SHANK2: variants seen among roughly 807,000 people sequenced by gnomAD.
SHANK2 encodes the protein SH3 and multiple ankyrin repeat domains 2.
Under a neutral mutation model 133.7 loss-of-function variants are expected in SHANK2, and 43 were observed. The ratio of observed to expected loss-of-function variants is 0.32; its 90% confidence interval spans 0.25 to 0.41. The LOEUF (loss-of-function observed/expected upper bound fraction) is 0.41. Ranked by LOEUF, SHANK2 falls within the 10% of genes least tolerant of loss-of-function variation. SHANK2 has a pLI of 1.00. For synonymous variants in SHANK2, 1,017 were observed against 952.8 expected (o/e 1.07, Z -1.24); for missense variants, 1,994 against 2,235.8 (o/e 0.89, Z 2.18).
At chr11:71,149,175 G>C (rs1240661996) in intron 2 of SHANK2, among the ~76,000 whole-genome samples, 1 of 152,192 alleles carries the variant, frequency 6.6e-6, no homozygotes, top group African/African-American at 2.4e-5. Flanking sequence ...CTGGGCATAA[G>C]GACAGTCCTG....
intron 11 of SHANK2, among the ~76,000 whole-genome samples, chr11:70,876,184 A>G (rs1241267221): frequency 6.6e-6 from 1 of 151,862 alleles, no homozygotes; most frequent in African/African-American, 2.4e-5. Flanking sequence ...ACATATATAC[A>G]CACACGTATA....
chr11:70,544,819 A>T (rs1554975913), intron 17 of SHANK2, among the ~76,000 whole-genome samples: 1 of 152,204 alleles, frequency 6.6e-6, no homozygotes, highest in Admixed American at 6.5e-5. Flanking sequence ...AAAGGAGCAA[A>T]TGTCACCGGG....
Position 70,502,036 on chromosome 11 carries a change from C to T in SHANK2, c.2279-105G>A, listed in dbSNP as rs2059061727. 6.5e-6 allele frequency: 9 copies of T among 1,378,040 alleles called. No individual in the cohort carries two copies. The Admixed American group carries it at 1.8e-4, about 27-fold the overall frequency. The allele number at this position is 1,378,040 out of a possible 1,614,324, so 85.4% of individuals were successfully genotyped here. On this transcript the variant is annotated intron_variant, in intron 19 of 25. Coordinates refer to ENST00000601538, the MANE Select transcript of SHANK2 (RefSeq NM_012309.5). ...CCCGCGAGGCTCCGAGGGAGGTGCA[C>T]ACATGGGGCTGCGGGGCATGCAGGG...
rs782031414 is a variant in SHANK2 at position 70,659,779 on chromosome 11, G to C, written c.2061+49C>G. On this transcript the variant is annotated intron_variant, in intron 17 of 25. Transcript: ENST00000601538. ...GCCAGGACTACGACCCTCTCCCCGA[G>C]AGTCGGCGCTCTCCCCAAGCAGAAA... is the stretch of plus-strand genomic sequence containing the variant. The C allele has an allele frequency of 1.5e-5, 25 of 1,612,916 alleles. No homozygotes were observed. In the South Asian group the frequency reaches 2.2e-4, roughly 14 times the overall value.
intron 5 of SHANK2, among the ~76,000 whole-genome samples, chr11:71,111,554 T>G: frequency 6.6e-6 from 1 of 152,208 alleles, no homozygotes; most frequent in South Asian, 2.1e-4. Flanking sequence ...CTGCTGCGTC[T>G]AACACTCCTC....
At chr11:70,880,748 G>A (rs978882584) in intron 11 of SHANK2, among the ~76,000 whole-genome samples, 2 of 152,204 alleles carry the variant, frequency 1.3e-5, no homozygotes, top group African/African-American at 4.8e-5. Flanking sequence ...CCCCACTGAC[G>A]CATAGATTTT....
intron 12 of SHANK2, among the ~76,000 whole-genome samples, chr11:70,819,167 G>C (rs150799530): frequency 0.016 from 2,492 of 152,360 alleles, 32 homozygotes; most frequent in Non-Finnish European, 0.028. Context: ...ACATGGCAAC[G>C]GCCGGGGAAG....
chr11:70,756,779 T>A (rs1946885907), intron 14 of SHANK2, among the ~76,000 whole-genome samples: 1 of 152,194 alleles, frequency 6.6e-6, no homozygotes, highest in African/African-American at 2.4e-5. Flanking sequence ...ACATACGGAA[T>A]TTTGCTTTGT....
At chr11:70,888,341 C>T (rs1949779347) in intron 11 of SHANK2, among the ~76,000 whole-genome samples, 1 of 152,198 alleles carries the variant, frequency 6.6e-6, no homozygotes. Flanking sequence ...CCCACTTCCT[C>T]CAACTGCCTC....
chr11:70,912,130 AAGAAAAGAG>A (rs1305509750), intron 10 of SHANK2, among the ~76,000 whole-genome samples: 1 of 150,346 alleles, frequency 6.7e-6, no homozygotes, highest in African/African-American at 2.4e-5. Flanking sequence ...GAAAGAAAGA[AAGAAAAGAG>A]AAGAGAAGAG....
chr11:70,509,417 G>A (rs1296343355), intron 17 of SHANK2, among the ~76,000 whole-genome samples: 1 of 148,400 alleles, frequency 6.7e-6, no homozygotes, highest in Non-Finnish European at 1.5e-5. Flanking sequence ...GAGCAAAAAT[G>A]GCCTCAAGTC....
At position 70,702,493 on chromosome 11, in the gene SHANK2, T is replaced by A. The variant is rs188105051; in HGVS notation, c.1778-3730A>T. ...ACCACTAATCATCATCATGACCCCA[T>A]CACCATCATCAGCACCACCATCCTC... On this transcript the variant is annotated intron_variant, in intron 14 of 25. Coordinates refer to ENST00000601538, the MANE Select transcript of SHANK2 (RefSeq NM_012309.5). Among the ~76,000 whole-genome samples the A allele has an allele frequency of 1.5e-3, 224 of 151,738 alleles. 2 individuals carry two copies. The highest frequency in any genetic ancestry group is 5.4e-3 in the African/African-American group (222 of 41,342).
At chr11:70,942,913 G>A (rs1277279700) in intron 10 of SHANK2, 11 of 454,214 alleles carry the variant, frequency 2.4e-5, no homozygotes, top group Admixed American at 4.8e-5. Context: ...TCTGGTGCTG[G>A]GTGCCAGGAG....
At chr11:70,846,652 C>T (rs1402834231) in intron 11 of SHANK2, among the ~76,000 whole-genome samples, 2 of 152,164 alleles carry the variant, frequency 1.3e-5, no homozygotes, top group African/African-American at 2.4e-5. Context: ...CCCCAGGTGC[C>T]TAACGGCCAC....
chr11:70,573,272 G>A (rs1405643629), intron 17 of SHANK2, among the ~76,000 whole-genome samples: 1 of 135,500 alleles, frequency 7.4e-6, no homozygotes, highest in East Asian at 2.5e-4. Flanking sequence ...TCACTGCAGC[G>A]GTGGGGGCGG....
chr11:71,076,174 C>T (rs970576144), intron 8 of SHANK2, among the ~76,000 whole-genome samples: 1 of 152,164 alleles, frequency 6.6e-6, no homozygotes, highest in African/African-American at 2.4e-5. Context: ...TCCAGCCACA[C>T]ACTGCTCGAC....
At chr11:70,892,354 GGT>G (rs1565388151) in intron 11 of SHANK2, among the ~76,000 whole-genome samples, 4 of 146,486 alleles carry the variant, frequency 2.7e-5, no homozygotes, top group African/African-American at 5.5e-5. Flanking sequence ...CTCTAACTAT[GGT>G]GGGGGGGACT....
At chr11:70,655,049 G>A (rs1318784021) in intron 17 of SHANK2, among the ~76,000 whole-genome samples, 1 of 152,240 alleles carries the variant, frequency 6.6e-6, no homozygotes, top group Non-Finnish European at 1.5e-5. Flanking sequence ...GATTACAGGC[G>A]TGATTTCTAC....
chr11:70,631,397 CACACACACACA>C (rs2060986820), intron 17 of SHANK2, among the ~76,000 whole-genome samples: 3 of 150,222 alleles, frequency 2.0e-5, no homozygotes, highest in African/African-American at 7.3e-5. Flanking sequence ...CACACACACA[CACACACACACA>C]CCCACACAAC....
Sources: allele counts gnomAD v4.1 joint callset (sites outside exome capture counted in the v4.1 genomes callset), GRCh38; gene constraint gnomAD v4.1.1; transcripts MANE v1.5; gene names NCBI Gene and HGNC (gene_info 2026-07-23, HGNC 2026-07-21).